SAMD11: variants seen among roughly 807,000 people sequenced by gnomAD.
SAMD11 encodes sterile alpha motif domain containing 11.
A neutral mutation model predicts 64.4 loss-of-function variants in SAMD11; 77 were observed. The observed-to-expected ratio is 1.20, with a 90% CI of 0.99 to 1.44. The LOEUF is 1.44. SAMD11 is among the 40% of genes most tolerant of loss of function. The probability of loss-of-function intolerance (pLI) is 0.00; values close to 1 mark genes in which losing one functional copy is unlikely to be tolerated. For missense variants in SAMD11, 1,402 were observed against 943.3 expected (o/e 1.49, Z -6.37); for synonymous variants, 658 against 421.9 (o/e 1.56, Z -6.86).
In SAMD11 at chr1:924,258, G is replaced by C. The variant is rs1446127943; in HGVS notation, c.-174G>C. On this transcript the variant is annotated 5_prime_UTR_variant, in exon 1 of 14. Coordinates refer to ENST00000616016, the MANE Select transcript of SAMD11 (RefSeq NM_001385641.1). ...GCCCCGCCGGCCGGCTGGGCAGTCC[G>C]GGGAGGCCTGGCGGGCGGCGCGTAG... 3 of 149,696 alleles carry C rather than the reference G, an allele frequency of 2.0e-5. No individual in the cohort carries two copies. The highest frequency in any genetic ancestry group is 4.5e-5 in the Non-Finnish European group (3 of 67,236). The allele number at this position is 149,696 out of a possible 1,614,324, so 9.3% of individuals were successfully genotyped here.
intron 2 of SAMD11, among the ~76,000 whole-genome samples, chr1:927,572 T>C (rs1435988983): frequency 1.3e-5 from 2 of 152,216 alleles, no homozygotes; most frequent in African/African-American, 4.8e-5. Flanking sequence ...GGGCCCCTTC[T>C]TTCCAGCCCC....
chr1:941,669 C>G (rs924486561), intron 8 of SAMD11, among the ~76,000 whole-genome samples: 1 of 152,038 alleles, frequency 6.6e-6, no homozygotes, highest in Non-Finnish European at 1.5e-5. Flanking sequence ...GATCTGTTCC[C>G]GGCACAGACA....
chr1:939,569 G>A, intron 7 of SAMD11, 157 bp downstream of exon 7: 3 of 637,420 alleles, frequency 4.7e-6, no homozygotes, highest in South Asian at 2.3e-5. Context: ...CTGGATGCAG[G>A]TCCCTCTGCC....
chr1:940,882 C>T (rs1327330059), intron 7 of SAMD11, among the ~76,000 whole-genome samples: 1 of 152,190 alleles, frequency 6.6e-6, no homozygotes, highest in African/African-American at 2.4e-5. Flanking sequence ...AAGGCTCAGC[C>T]GCCTCTCAGG....
intron 2 of SAMD11, among the ~76,000 whole-genome samples, chr1:928,796 G>A (rs1641030193): frequency 6.6e-6 from 1 of 152,238 alleles, no homozygotes; most frequent in South Asian, 2.1e-4. Context: ...CACCTGGGTG[G>A]GGGGATGCTC....
At chr1:931,359 C>T (rs987402678) in intron 4 of SAMD11, among the ~76,000 whole-genome samples, 10 of 152,142 alleles carry the variant, frequency 6.6e-5, no homozygotes, top group African/African-American at 1.9e-4. Flanking sequence ...CTGGGCAGCC[C>T]GGCCCTGGAG....
At chr1:935,739 A>C (rs777605193) in intron 4 of SAMD11, 33 bp from the exon 5 acceptor site, 1 of 1,612,272 alleles carries the variant, frequency 6.2e-7, no homozygotes, top group Admixed American at 1.7e-5. Context: ...GCAGCTGCCC[A>C]CGGGGTCAGC....
At chr1:926,713 T>C (rs13303291) in intron 2 of SAMD11, among the ~76,000 whole-genome samples, 119,546 of 152,114 alleles carry the variant, frequency 0.79, 51,472 homozygotes, top group Non-Finnish European at 0.97. Flanking sequence ...CTGCACCCCC[T>C]ACCCAGTCTC....
In SAMD11 at chr1:928,130, A is replaced by C. The variant is rs537850433; in HGVS notation, c.610-2025A>C. Among the ~76,000 whole-genome samples, 44 of 152,086 alleles carry C rather than the reference A, an allele frequency of 2.9e-4. 1 individual carries two copies. The highest frequency in any genetic ancestry group is 6.0e-4 in the African/African-American group (25 of 41,534). ...GGTGGGAGGCCGGGTGTGGTGGCGC[A>C]TGCCTGTAATCCCAGCACTTTGGGA... is the stretch of plus-strand genomic sequence containing the variant. On this transcript the variant is annotated intron_variant, in intron 2 of 13. Coordinates refer to ENST00000616016, the MANE Select transcript of SAMD11 (RefSeq NM_001385641.1).
chr1:930,212 A>C lies in SAMD11; in HGVS notation c.667A>C (p.Lys223Gln), dbSNP rs754835819. ...TVALPAARNL[K>Q]KERTPSFSAS... ...CGCCCTGCCTGCCGCCCGGAACCTG[A>C]AGAAGGAGCGAACTCCCAGCTTCTC... The change falls in exon 3 of 14, where the codon AAG (lysine) becomes CAG (glutamine). Residue 223 changes from lysine (K) to glutamine (Q), a missense_variant. Transcript: ENST00000616016. 1 of 1,581,068 alleles carries C rather than the reference A, an allele frequency of 6.3e-7. No individual in the cohort carries two copies. The highest frequency in any genetic ancestry group is 2.3e-5 in the East Asian group (1 of 43,274).
intron 8 of SAMD11, among the ~76,000 whole-genome samples, chr1:941,890 C>A (rs1454440898): frequency 6.6e-6 from 1 of 152,100 alleles, no homozygotes; most frequent in Non-Finnish European, 1.5e-5. Context: ...CAGGCGGGGC[C>A]GGCGCCCCGC....
intron 2 of SAMD11, among the ~76,000 whole-genome samples, chr1:927,003 C>T (rs6680268): frequency 0.79 from 119,239 of 151,780 alleles, 51,328 homozygotes; most frequent in Non-Finnish European, 0.97. Context: ...AGTGCCGTAG[C>T]CAGGGAGCTG....
At chr1:941,618 G>A (rs571656533) in intron 8 of SAMD11, among the ~76,000 whole-genome samples, 3 of 152,128 alleles carry the variant, frequency 2.0e-5, no homozygotes, top group Admixed American at 6.5e-5. Flanking sequence ...GGAGGCGGAG[G>A]GGGGGTCCTG....
chr1:944,441 G>C lies in SAMD11; in HGVS notation c.*288G>C. 1.0e-6 allele frequency: 1 copy of C among 953,840 alleles called. No homozygotes were observed. The highest frequency in any genetic ancestry group is 1.5e-6 in the Non-Finnish European group (1 of 687,486). The allele number at this position is 953,840 out of a possible 1,614,324, so 59.1% of individuals were successfully genotyped here. A position where few individuals can be genotyped will look rare whatever the true frequency, so the allele number is the denominator to read the frequency against. On this transcript the variant is annotated 3_prime_UTR_variant, in exon 14 of 14. Coordinates refer to ENST00000616016, the MANE Select transcript of SAMD11 (RefSeq NM_001385641.1). ...CTGGGACTGGTCTCGGTCTGCTGAC[G>C]TCAGGGTCAGCTCCCCCGCGGAGCT...
chr1:930,690 A>G (rs1215256025), intron 3 of SAMD11, among the ~76,000 whole-genome samples: 1 of 152,198 alleles, frequency 6.6e-6, no homozygotes, highest in East Asian at 1.9e-4. Context: ...CAGGCTCGTG[A>G]CTGGCTGTGC....
rs767019641 is a variant in SAMD11, at chr1:943,061, G to A, written c.2053+3G>A. ...CGTCAGCCCCTACTTCCACACAGGT[G>A]GGCACCCCCACACTCTAGATCCTTC... On this transcript the variant is annotated splice_donor_region_variant and intron_variant, in intron 11 of 13. Coordinates refer to ENST00000616016, the MANE Select transcript of SAMD11 (RefSeq NM_001385641.1). 43 of 1,535,664 alleles carry A rather than the reference G, an allele frequency of 2.8e-5. No individual in the cohort carries two copies. Among genetic ancestry groups the A allele is most frequent in the Non-Finnish European group, 3.7e-5 (42 of 1,142,134 alleles).
rs903331232 is a variant in SAMD11 at position 930,215 on chromosome 1, A to G, written c.670A>G (p.Lys224Glu). The part of the protein sequence containing the change: ...VALPAARNLK[K>E]ERTPSFSASD... Reference sequence around the variant, plus strand: ...CCTGCCTGCCGCCCGGAACCTGAAGAAGGAGCGAACTCCCAGCTTCTCTGC... The same window carrying G: ...CCTGCCTGCCGCCCGGAACCTGAAGGAGGAGCGAACTCCCAGCTTCTCTGC... Residue 224 changes from lysine (K) to glutamate (E), a missense_variant, in exon 3 of 14, where the codon AAG becomes GAG. Lys to Glu is a moderately conservative substitution (Grantham distance 56). Transcript: ENST00000616016. 1.5e-5 allele frequency: 24 copies of G among 1,583,344 alleles called. No homozygotes were observed. The highest frequency in any genetic ancestry group is 1.7e-4 in the Middle Eastern group (1 of 6,040).
Position 924,881 on chromosome 1 carries a change from C to G in SAMD11, c.450C>G (p.Pro150=), listed in dbSNP as rs1640802368. 6.6e-6 allele frequency: 1 copy of G among 152,264 alleles called. No homozygotes were observed. The highest frequency in any genetic ancestry group is 1.5e-5 in the Non-Finnish European group (1 of 68,068). The allele number at this position is 152,264 out of a possible 1,614,324, so 9.4% of individuals were successfully genotyped here. A position where few individuals can be genotyped will look rare whatever the true frequency, so the allele number is the denominator to read the frequency against. Reference sequence around the variant, plus strand: ...GCCACCGCGGCGAGTGGCTCACGCCCAACGAGTTCCAGTTCGTCAGCGGCC... The same window carrying G: ...GCCACCGCGGCGAGTGGCTCACGCCGAACGAGTTCCAGTTCGTCAGCGGCC... The part of the protein sequence containing the change: ...SIRHRGEWLT[P]NEFQFVSGRE... The change falls in exon 1 of 14, where the codon CCC becomes CCG. Residue 150 remains proline, a synonymous_variant. Coordinates refer to ENST00000616016, the MANE Select transcript of SAMD11 (RefSeq NM_001385641.1).
intron 2 of SAMD11, among the ~76,000 whole-genome samples, chr1:926,732 T>A (rs1321880582): frequency 6.6e-6 from 1 of 152,072 alleles, no homozygotes; most frequent in Non-Finnish European, 1.5e-5. Context: ...TCCAGCCCCC[T>A]AGTTGGGCAG....
Sources: allele counts gnomAD v4.1 joint callset (sites outside exome capture counted in the v4.1 genomes callset), GRCh38; gene constraint gnomAD v4.1.1; transcripts MANE v1.5; gene names NCBI Gene and HGNC (gene_info 2026-07-23, HGNC 2026-07-21).